Variants in DSCAM observed in about 807,000 individuals in gnomAD.
DSCAM encodes DS cell adhesion molecule.
In DSCAM, 47 loss-of-function variants were observed where a neutral mutation model predicts 217.7. The observed-to-expected ratio is 0.22, with a 90% CI of 0.17 to 0.28. The LOEUF is 0.28. DSCAM is among the 10% of genes least tolerant of loss of function. The pLI is 1.00. For synonymous variants in DSCAM, 1,056 were observed against 1,015.3 expected (o/e 1.04, Z -0.76); for missense variants, 2,080 against 2,618.3 (o/e 0.79, Z 4.49).
intron 1 of DSCAM, among the ~76,000 whole-genome samples, chr21:40,717,237 T>C (rs2090851764): frequency 6.6e-6 from 1 of 152,160 alleles, no homozygotes; most frequent in Admixed American, 6.5e-5. Flanking sequence ...AACCAAGGCG[T>C]GGAAGGGTGC....
chr21:40,667,661 TAGTG>T (rs59999633), intron 3 of DSCAM, among the ~76,000 whole-genome samples: 11,639 of 152,086 alleles, frequency 0.077, 1,284 homozygotes, highest in African/African-American at 0.25. Context: ...ATTCTCGTGA[TAGTG>T]AGTGAGTCCT....
At chr21:40,231,521 T>G (rs927400195) in intron 11 of DSCAM, among the ~76,000 whole-genome samples, 4 of 152,022 alleles carry the variant, frequency 2.6e-5, no homozygotes, top group Non-Finnish European at 5.9e-5. Flanking sequence ...CTTTTTTTTT[T>G]AGACAGTGTC....
intron 3 of DSCAM, among the ~76,000 whole-genome samples, chr21:40,493,863 CAAAAAAAA>C (rs57564776): frequency 0.021 from 2,578 of 125,412 alleles, 78 homozygotes; most frequent in African/African-American, 0.063. Flanking sequence ...AACTCCATCT[CAAAAAAAA>C]AAAAAAAAAT....
At chr21:40,192,543 T>G (rs1232007322) in intron 11 of DSCAM, among the ~76,000 whole-genome samples, 4 of 152,220 alleles carry the variant, frequency 2.6e-5, no homozygotes, top group Non-Finnish European at 5.9e-5. Flanking sequence ...CGCATAGGAC[T>G]GTGACTCAGT....
intron 11 of DSCAM, among the ~76,000 whole-genome samples, chr21:40,239,860 A>T (rs2073124650): frequency 6.6e-6 from 1 of 152,184 alleles, no homozygotes; most frequent in African/African-American, 2.4e-5. Context: ...TTTTTAATGT[A>T]TTCCATGCTT....
At chr21:40,497,243 C>G (rs557973073) in intron 3 of DSCAM, among the ~76,000 whole-genome samples, 1 of 152,204 alleles carries the variant, frequency 6.6e-6, no homozygotes, top group East Asian at 1.9e-4. Context: ...TAGAATCAAC[C>G]TAAGTGTCAA....
In DSCAM at chr21:40,797,695, T is replaced by C. The variant is rs1226583079; in HGVS notation, c.43+48924A>G. Among the ~76,000 whole-genome samples, 4 of 152,190 alleles carry C rather than the reference T, an allele frequency of 2.6e-5. No individual in the cohort carries two copies. In the East Asian group the frequency reaches 7.7e-4, roughly 29 times the overall value. ...CAGCCCTATAAACATTTGTTTGGGA[T>C]TGCTTTTATGCAATTGTTTGGAACA... is the stretch of plus-strand genomic sequence containing the variant. On this transcript the variant is annotated intron_variant, in intron 1 of 32. Coordinates refer to ENST00000400454, the MANE Select transcript of DSCAM (RefSeq NM_001389.5).
intron 1 of DSCAM, among the ~76,000 whole-genome samples, chr21:40,755,694 C>T (rs1332149783): frequency 7.2e-5 from 11 of 152,096 alleles, no homozygotes; most frequent in South Asian, 2.1e-4. Context: ...AAGGTATAGG[C>T]GAGTTGTGTA....
At chr21:40,222,969 T>C (rs1197442305) in intron 11 of DSCAM, among the ~76,000 whole-genome samples, 1 of 152,258 alleles carries the variant, frequency 6.6e-6, no homozygotes, top group East Asian at 1.9e-4. Context: ...TCTGCAAATA[T>C]AATAAACTTT....
At chr21:40,437,713 T>C (rs982964716) in intron 3 of DSCAM, among the ~76,000 whole-genome samples, 22 of 152,006 alleles carry the variant, frequency 1.4e-4, no homozygotes, top group Non-Finnish European at 2.8e-4. Flanking sequence ...TAGCCAGGCG[T>C]GGTGGTGGGC....
At chr21:40,530,195 C>A (rs1233551588) in intron 3 of DSCAM, among the ~76,000 whole-genome samples, 3 of 152,172 alleles carry the variant, frequency 2.0e-5, no homozygotes, top group Non-Finnish European at 4.4e-5. Context: ...TACAAAGAAA[C>A]ACCATTGACT....
intron 3 of DSCAM, among the ~76,000 whole-genome samples, chr21:40,447,059 T>C (rs2075680878): frequency 6.6e-6 from 1 of 152,212 alleles, no homozygotes; most frequent in Admixed American, 6.5e-5. Flanking sequence ...TGTCATGCTC[T>C]GGCAGAGATG....
chr21:40,834,876 G>C (rs1333762802), intron 1 of DSCAM, among the ~76,000 whole-genome samples: 1 of 152,214 alleles, frequency 6.6e-6, no homozygotes, highest in Non-Finnish European at 1.5e-5. Context: ...GAGGGAGAGA[G>C]AAAGGTGAAC....
intron 3 of DSCAM, among the ~76,000 whole-genome samples, chr21:40,628,807 G>C (rs989291675): frequency 6.6e-6 from 1 of 152,014 alleles, no homozygotes; most frequent in Non-Finnish European, 1.5e-5. Context: ...GAGTGCAGTG[G>C]TGCGATCTCA....
intron 3 of DSCAM, among the ~76,000 whole-genome samples, chr21:40,521,916 T>A (rs2076362351): frequency 6.6e-6 from 1 of 152,236 alleles, no homozygotes. Context: ...TTATCCTGAT[T>A]TGATCATTAA....
In DSCAM at chr21:40,096,402, G is replaced by T. The variant is rs73221377; in HGVS notation, c.3697-2528C>A. Among the ~76,000 whole-genome samples, 411 of 152,242 alleles carry T rather than the reference G, an allele frequency of 2.7e-3. 4 individuals carry two copies. The highest frequency in any genetic ancestry group is 2.2e-3 in the Non-Finnish European group (148 of 68,018). On this transcript the variant is annotated intron_variant, in intron 20 of 32. Transcript: ENST00000400454. The stretch of plus-strand genomic sequence containing the variant: ...CCTCCTAAGGCTGTGTCATGGGCAC[G>T]CATCCTCACTTTGGCAAAATAAACT...
At chr21:40,170,345 C>T (rs1390409028) in intron 15 of DSCAM, among the ~76,000 whole-genome samples, 1 of 152,184 alleles carries the variant, frequency 6.6e-6, no homozygotes, top group African/African-American at 2.4e-5. Flanking sequence ...AGGAACTAAG[C>T]CCAGAGTGAG....
At chr21:40,361,099 AT>A (rs914597916) in intron 4 of DSCAM, among the ~76,000 whole-genome samples, 15 of 150,670 alleles carry the variant, frequency 1.0e-4, no homozygotes, top group East Asian at 7.8e-4. Context: ...TCCCCTTCAA[AT>A]TTTTTTTTGT....
chr21:40,317,640 C>T (rs1165396655), intron 8 of DSCAM, among the ~76,000 whole-genome samples: 2 of 152,116 alleles, frequency 1.3e-5, no homozygotes, highest in African/African-American at 4.8e-5. Flanking sequence ...AGTGATTCTC[C>T]TGCCTCAGCC....
Sources: allele counts gnomAD v4.1 joint callset (sites outside exome capture counted in the v4.1 genomes callset), GRCh38; gene constraint gnomAD v4.1.1; transcripts MANE v1.5; gene names NCBI Gene and HGNC (gene_info 2026-07-23, HGNC 2026-07-21).